The following THSD7A variants were observed in gnomAD, a reference collection of about 807,000 sequenced individuals.
THSD7A encodes thrombospondin type 1 domain containing 7A.
In THSD7A, 96 loss-of-function variants were observed where a neutral mutation model predicts 231.3. The ratio of observed to expected loss-of-function variants is 0.41; its 90% CI spans 0.35 to 0.49. The LOEUF (loss-of-function observed/expected upper bound fraction) is 0.49. THSD7A is among the 20% of genes least tolerant of loss of function. The pLI is 0.05. For synonymous variants in THSD7A, 940 were observed against 743.3 expected (o/e 1.26, Z -4.30); for missense variants, 2,290 against 2,070.2 (o/e 1.11, Z -2.06).
At chr7:11,392,309 C>G (rs1056211624) in intron 23 of THSD7A, among the ~76,000 whole-genome samples, 1 of 151,988 alleles carries the variant, frequency 6.6e-6, no homozygotes, top group Non-Finnish European at 1.5e-5. Context: ...AACTCTCTCC[C>G]CTAGCCAAGG....
chr7:11,700,785 C>G (rs985173632), intron 1 of THSD7A, among the ~76,000 whole-genome samples: 2 of 150,966 alleles, frequency 1.3e-5, no homozygotes, highest in African/African-American at 4.8e-5. Flanking sequence ...TAAGTTATTC[C>G]TGTATTCATG....
chr7:11,590,549 C>T lies in THSD7A; in HGVS notation c.1364G>A (p.Cys455Tyr), dbSNP rs776249145. 1 of 1,613,946 alleles carries T rather than the reference C, an allele frequency of 6.2e-7. No individual in the cohort carries two copies. Residue 455 changes from cysteine (C) to tyrosine (Y), a missense_variant, in exon 4 of 28, where the codon TGT (cysteine) becomes TAT (tyrosine). Transcript: ENST00000423059. The surrounding 1 kb of genome is among the most constrained non-coding windows in gnomAD (Gnocchi z 4.4). Reference protein sequence around the residue: ...DKRRGNQTALCGGGIQTREVY... With the variant: ...DKRRGNQTALYGGGIQTREVY... ...CTCTCGGGTCTGGATGCCCCCTCCA[C>T]AGAGGGCCGTCTGGTTGCCGCGCCT...
At chr7:11,612,444 T>C (rs560189200) in intron 2 of THSD7A, among the ~76,000 whole-genome samples, 3 of 152,350 alleles carry the variant, frequency 2.0e-5, no homozygotes, top group East Asian at 1.9e-4. Context: ...GCCTCCTTTT[T>C]ATATTCTTGA....
chr7:11,390,558 T>C (rs1038884855), intron 23 of THSD7A, among the ~76,000 whole-genome samples: 2 of 152,252 alleles, frequency 1.3e-5, no homozygotes, highest in Non-Finnish European at 2.9e-5. Flanking sequence ...CATGCTCTTT[T>C]AGCTCAGAGG....
intron 11 of THSD7A, 116 bp from the exon 12 acceptor site, chr7:11,447,540 C>T: frequency 1.2e-6 from 1 of 821,052 alleles, no homozygotes; most frequent in South Asian, 2.1e-5. Flanking sequence ...TAGTTCCTTA[C>T]TTACAGTAGA....
chr7:11,379,115 G>C lies in THSD7A; in HGVS notation c.4756C>G (p.Pro1586Ala), dbSNP rs767148526. 3.1e-6 allele frequency: 5 copies of C among 1,613,454 alleles called. No homozygotes were observed. The highest frequency in any genetic ancestry group is 3.3e-5 in the Admixed American group (2 of 59,944). The change falls in exon 26 of 28, where the codon CCA becomes GCA. Residue 1586 changes from proline to alanine, a missense_variant. Coordinates refer to ENST00000423059, the MANE Select transcript of THSD7A (RefSeq NM_015204.3). The stretch of plus-strand genomic sequence containing the variant: ...AACCAGGTCCTTCCCCGTCCTGCTG[G>C]GTTACTGGAGGGTTGGGTTGGATGT... ...AVHPTQPSSNPAGRGRTWFLQ... is the reference protein window; with the variant it reads ...AVHPTQPSSNAAGRGRTWFLQ...
At chr7:11,661,854 C>T (rs989819463) in intron 1 of THSD7A, among the ~76,000 whole-genome samples, 2 of 151,168 alleles carry the variant, frequency 1.3e-5, no homozygotes, top group Non-Finnish European at 3.0e-5. Context: ...CACAACACTA[C>T]GAGTGTTATC....
intron 1 of THSD7A, among the ~76,000 whole-genome samples, chr7:11,695,927 A>T (rs1303118286): frequency 6.6e-6 from 1 of 151,566 alleles, no homozygotes. Context: ...ATAGGAGGCT[A>T]TTGCAGTGGC....
rs527287884 is a variant in THSD7A, at chr7:11,626,949, A to AT, written c.1022+9180dup. On this transcript the variant is annotated intron_variant, in intron 2 of 27. Transcript: ENST00000423059. ...GGATATTCTTTTACATGTTCTGGTT[A>AT]TTTTTTGTCATGACCTTAGAAGGTT... Among the ~76,000 whole-genome samples the AT allele has an allele frequency of 2.6e-4, 40 of 152,196 alleles. No homozygotes were observed. In the East Asian group the frequency reaches 7.7e-3, roughly 29 times the overall value.
intron 1 of THSD7A, among the ~76,000 whole-genome samples, chr7:11,829,839 C>A (rs1375393416): frequency 6.6e-6 from 1 of 151,400 alleles, no homozygotes; most frequent in Non-Finnish European, 1.5e-5. Flanking sequence ...ATTTTGCTTT[C>A]CAATTGAATG....
intron 1 of THSD7A, among the ~76,000 whole-genome samples, chr7:11,824,564 T>C (rs1315900787): frequency 1.3e-5 from 2 of 152,128 alleles, no homozygotes; most frequent in Non-Finnish European, 2.9e-5. Flanking sequence ...GATAGTTGTG[T>C]ATAATTTTCA....
chr7:11,823,207 A>T (rs1784924092), intron 1 of THSD7A, among the ~76,000 whole-genome samples: 1 of 151,972 alleles, frequency 6.6e-6, no homozygotes, highest in South Asian at 2.1e-4. Context: ...TATTGAAAGG[A>T]GAGTTCTTTC....
intron 2 of THSD7A, among the ~76,000 whole-genome samples, chr7:11,610,221 A>G (rs977703654): frequency 3.3e-5 from 5 of 152,232 alleles, no homozygotes; most frequent in South Asian, 2.1e-4. Context: ...TTGATTATAT[A>G]CTGACTCTTG....
Position 11,724,322 on chromosome 7 carries a change from G to A in THSD7A, c.191-87361C>T, listed in dbSNP as rs184965024. Among the ~76,000 whole-genome samples, 259 of 151,972 alleles carry A rather than the reference G, an allele frequency of 1.7e-3. 1 individual carries two copies. Among genetic ancestry groups the A allele is most frequent in the African/African-American group, 5.9e-3 (245 of 41,532 alleles). On this transcript the variant is annotated intron_variant, in intron 1 of 27. Coordinates refer to ENST00000423059, the MANE Select transcript of THSD7A (RefSeq NM_015204.3). ...TAGTGCAAAGTCTTCCTGCAGCCAA[G>A]CCAGGGTAGCTCCATTTTGGCATAT...
intron 1 of THSD7A, among the ~76,000 whole-genome samples, chr7:11,713,307 T>C (rs1392647954): frequency 6.6e-6 from 1 of 151,328 alleles, no homozygotes; most frequent in African/African-American, 2.4e-5. Flanking sequence ...AATTTCACTT[T>C]ACAAGGTTTA....
At chr7:11,619,364 A>G (rs373981907) in intron 2 of THSD7A, among the ~76,000 whole-genome samples, 1 of 151,450 alleles carries the variant, frequency 6.6e-6, no homozygotes. Flanking sequence ...ACATTAAAAT[A>G]GCCACATGAA....
rs749850443 is a variant in THSD7A, at chr7:11,831,867, G to A, written c.80C>T (p.Pro27Leu). The A allele has an allele frequency of 4.7e-6, 6 of 1,274,906 alleles. No individual in the cohort carries two copies. The South Asian group carries it at 8.7e-5, about 18-fold the overall frequency. 79.0% of individuals were successfully genotyped at this position (1,274,906 alleles called of 1,614,324 possible). Residue 27 changes from proline (P) to leucine (L), a missense_variant, in exon 1 of 28, where the codon CCG becomes CTG. By Grantham distance (98) the Pro-to-Leu change is moderately conservative (BLOSUM62 -3). Transcript: ENST00000423059. This position sits in a 1 kb window ranked among gnomAD's most constrained non-coding sequence, Gnocchi z 5.0. ...GPRRGVLQLL[P>L]LPLPLPLLLL... The stretch of plus-strand genomic sequence containing the variant: ...GAGCAGCGGCAGCGGCAGCGGCAGC[G>A]GCAGCAGCTGCAGGACGCCCCGGCG...
In THSD7A at chr7:11,406,187, C is replaced by T. The variant is rs1019859120; in HGVS notation, c.4237+113G>A. On this transcript the variant is annotated intron_variant, in intron 22 of 27. Transcript: ENST00000423059. The surrounding 1 kb of genome is among the most constrained non-coding windows in gnomAD (Gnocchi z 4.7). Reference sequence around the variant, plus strand: ...TGTTGAGCTGTTGGCATAGATATTACTGAATAAGAAGACTGTTGACATCCT... The same window carrying T: ...TGTTGAGCTGTTGGCATAGATATTATTGAATAAGAAGACTGTTGACATCCT... 17 of 1,092,926 alleles carry T rather than the reference C, an allele frequency of 1.6e-5. No homozygotes were observed. The African/African-American group carries it at 1.7e-4, about 11-fold the overall frequency. 67.7% of individuals were successfully genotyped at this position (1,092,926 alleles called of 1,614,324 possible).
chr7:11,442,756 A>T (rs1368935608), intron 13 of THSD7A, among the ~76,000 whole-genome samples: 1 of 152,078 alleles, frequency 6.6e-6, no homozygotes, highest in East Asian at 1.9e-4. Context: ...AAACACTAAA[A>T]TATCAATTGG....
Sources: gnomAD v4.1 joint callset for allele counts (sites outside exome capture counted in the v4.1 genomes callset) on GRCh38, gnomAD v4.1.1 for gene constraint, Gnocchi (gnomAD v3.1) non-coding constraint, MANE v1.5 for transcripts, NCBI Gene and HGNC (gene_info 2026-07-23, HGNC 2026-07-21) for gene names.